Variants in KIF16B observed in about 807,000 individuals in gnomAD.
KIF16B encodes kinesin family member 16B, also known as kinesin-like protein KIF16B.
KIF16B carries 98 observed loss-of-function variants against 156.3 expected under a neutral mutation model. That is an observed-to-expected ratio of 0.63 (90% confidence interval 0.53 to 0.74). The LOEUF is 0.74. Among genes scored for constraint, KIF16B ranks in the 30% least tolerant of loss-of-function variants. The probability of loss-of-function intolerance (pLI) is 0.00; values close to 1 mark genes in which losing one functional copy is unlikely to be tolerated. For synonymous variants in KIF16B, 564 were observed against 583.7 expected, an observed-to-expected ratio of 0.97 and a Z score of 0.49; for missense variants, 1,421 against 1,606.5, an observed-to-expected ratio of 0.88 and a Z score of 1.97.
rs77793494 is a variant in KIF16B, at chr20:16,554,600, G to A, written c.47+18629C>T. Among the ~76,000 whole-genome samples, 612 of 152,220 alleles carry A rather than the reference G, an allele frequency of 4.0e-3. 10 individuals are homozygous for A. The highest frequency in any genetic ancestry group is 0.037 in the East Asian group (190 of 5,174). ...GAACTTGGGACCCATCAAATGGTGGGGCTAAAACAGCTGTAGCATGAACAG... is the reference window on the plus strand; with the variant it reads ...GAACTTGGGACCCATCAAATGGTGGAGCTAAAACAGCTGTAGCATGAACAG... On this transcript the variant is annotated intron_variant, in intron 1 of 25. Coordinates refer to ENST00000354981, the MANE Select transcript of KIF16B (RefSeq NM_024704.5).
At chr20:16,545,592 G>C (rs2070376169) in intron 1 of KIF16B, among the ~76,000 whole-genome samples, 2 of 152,120 alleles carry the variant, frequency 1.3e-5, no homozygotes. Context: ...TTAAACCCGG[G>C]AGGCAGAGGT....
chr20:16,543,063 G>A (rs1291861871), intron 1 of KIF16B, among the ~76,000 whole-genome samples: 4 of 152,092 alleles, frequency 2.6e-5, no homozygotes, highest in South Asian at 2.1e-4. Flanking sequence ...GCCCAAACCC[G>A]GACCTACCAA....
chr20:16,384,327 G>A (rs2065176232), intron 17 of KIF16B, among the ~76,000 whole-genome samples: 1 of 152,170 alleles, frequency 6.6e-6, no homozygotes, highest in Non-Finnish European at 1.5e-5. Context: ...TGAGCATGGG[G>A]TACTGACCCC....
At chr20:16,349,387 T>A (rs1470431525) in intron 23 of KIF16B, among the ~76,000 whole-genome samples, 3 of 152,154 alleles carry the variant, frequency 2.0e-5, no homozygotes, top group Non-Finnish European at 2.9e-5. Flanking sequence ...CACCATGTCA[T>A]CAAGGTGATT....
chr20:16,429,712 T>G (rs907860648), intron 13 of KIF16B, 151 bp downstream of exon 13: 5 of 603,334 alleles, frequency 8.3e-6, no homozygotes, highest in African/African-American at 1.9e-5. Flanking sequence ...AATGAGCTTC[T>G]GAAAATTCCC....
chr20:16,351,604 G>A (rs899837172), intron 23 of KIF16B, among the ~76,000 whole-genome samples: 26 of 152,174 alleles, frequency 1.7e-4, no homozygotes, highest in African/African-American at 5.1e-4. Flanking sequence ...AGCCTAGAAC[G>A]TGCTGTTCTC....
chr20:16,362,556 A>G (rs1429901362), intron 22 of KIF16B, among the ~76,000 whole-genome samples: 1 of 152,338 alleles, frequency 6.6e-6, no homozygotes, highest in Admixed American at 6.5e-5. Flanking sequence ...TAGCATAGTC[A>G]TTCCTATAAA....
intron 17 of KIF16B, among the ~76,000 whole-genome samples, chr20:16,385,560 C>T (rs974029754): frequency 6.6e-6 from 1 of 152,190 alleles, no homozygotes; most frequent in African/African-American, 2.4e-5. Context: ...ATGTAACAGG[C>T]CCCACCTCAA....
At chr20:16,542,246 GT>G (rs1386362608) in intron 1 of KIF16B, among the ~76,000 whole-genome samples, 1 of 152,112 alleles carries the variant, frequency 6.6e-6, no homozygotes, top group Non-Finnish European at 1.5e-5. Context: ...TACTGAAGAG[GT>G]TTAGTTAGAA....
rs1306141314 is a variant in KIF16B at position 16,573,262 on chromosome 20, T to C, written c.14A>G (p.Lys5Arg). 5 of 1,608,780 alleles carry C rather than the reference T, an allele frequency of 3.1e-6. No individual in the cohort carries two copies. Among genetic ancestry groups the C allele is most frequent in the South Asian group, 1.1e-5 (1 of 90,142 alleles). MASV[K>R]VAVRVRPMNR... ...CATGGGCCGGACCCTCACGGCCACC[T>C]TGACCGATGCCATCGCTCATCCCGA... Residue 5 changes from lysine (K) to arginine (R), a missense_variant, in exon 1 of 26, where the codon AAG (lysine) becomes AGG (arginine). Physicochemically the swap from Lys to Arg is conservative, Grantham distance 26. Transcript: ENST00000354981.
At chr20:16,404,281 T>C (rs1472275317) in intron 17 of KIF16B, among the ~76,000 whole-genome samples, 1 of 152,202 alleles carries the variant, frequency 6.6e-6, no homozygotes, top group African/African-American at 2.4e-5. Context: ...ATTTTATTGA[T>C]GAAGCACTAA....
At chr20:16,522,860 G>A (rs1235929118) in intron 3 of KIF16B, among the ~76,000 whole-genome samples, 4 of 152,126 alleles carry the variant, frequency 2.6e-5, no homozygotes, top group Non-Finnish European at 1.5e-5. Flanking sequence ...TCAGGATTGA[G>A]AAATTCACTC....
chr20:16,344,815 G>A (rs1261639633), intron 23 of KIF16B, among the ~76,000 whole-genome samples: 3 of 152,136 alleles, frequency 2.0e-5, no homozygotes, highest in Non-Finnish European at 2.9e-5. Context: ...TAATGAACTC[G>A]GTTTACTGAG....
chr20:16,356,349 T>C lies in KIF16B; in HGVS notation c.3602A>G (p.His1201Arg). 1.9e-6 allele frequency: 3 copies of C among 1,614,166 alleles called. No homozygotes were observed. The highest frequency in any genetic ancestry group is 2.5e-6 in the Non-Finnish European group (3 of 1,180,000). ...ACTCACCTTGACCTCAAACTCGAAG[T>C]GTGCATCCTTTCCTTGCCCGCAGAG... ...YVLCGQGKDA[H>R]FEFEVKITVL... Residue 1201 changes from histidine (H) to arginine (R), a missense_variant, in exon 23 of 26, where the codon CAC becomes CGC. By Grantham distance (29) the His-to-Arg change is conservative. Transcript: ENST00000354981.
chr20:16,481,054 C>T (rs370475165), intron 12 of KIF16B, among the ~76,000 whole-genome samples: 11 of 152,288 alleles, frequency 7.2e-5, no homozygotes, highest in African/African-American at 1.7e-4. Flanking sequence ...TGCTTTCCAA[C>T]TCTTCTGAGG....
Position 16,507,292 on chromosome 20 carries a change from T to C in KIF16B, c.699+666A>G, listed in dbSNP as rs528057786. ...TGTGCTCTTTGATCTCCCTCATTAATAAAATGCTGCCTCTTTGTATCTGAT... is the reference window on the plus strand; with the variant it reads ...TGTGCTCTTTGATCTCCCTCATTAACAAAATGCTGCCTCTTTGTATCTGAT... On this transcript the variant is annotated intron_variant, in intron 7 of 25. Coordinates refer to ENST00000354981, the MANE Select transcript of KIF16B (RefSeq NM_024704.5). Among the ~76,000 whole-genome samples, 4 of 152,238 alleles carry C rather than the reference T, an allele frequency of 2.6e-5. No homozygotes were observed. In the East Asian group the frequency reaches 7.7e-4, roughly 29 times the overall value.
Position 16,335,994 on chromosome 20 carries a change from A to G in KIF16B, c.3643T>C (p.Trp1215Arg). The G allele has an allele frequency of 6.2e-7, 1 of 1,606,794 alleles. No individual in the cohort carries two copies. The highest frequency in any genetic ancestry group is 8.5e-7 in the Non-Finnish European group (1 of 1,175,200). ...EVKITVLDETWTVFRRYSRFR... is the reference protein window; with the variant it reads ...EVKITVLDETRTVFRRYSRFR... ...CGACTGTAACGCCTGAATACAGTCC[A>G]TGTCTCATCTAGGACAGTAATCTAT... The change falls in exon 24 of 26, where the codon TGG becomes CGG. Residue 1215 changes from tryptophan to arginine, a missense_variant. Trp to Arg is a moderately radical substitution (Grantham distance 101). Coordinates refer to ENST00000354981, the MANE Select transcript of KIF16B (RefSeq NM_024704.5).
intron 19 of KIF16B, among the ~76,000 whole-genome samples, chr20:16,377,168 C>T (rs1268654870): frequency 6.6e-6 from 1 of 152,096 alleles, no homozygotes; most frequent in Non-Finnish European, 1.5e-5. Context: ...CTGGCCAGTA[C>T]ACTGGACTTC....
chr20:16,367,129 C>A (rs1489462617), intron 22 of KIF16B: 1 of 1,545,432 alleles, frequency 6.5e-7, no homozygotes, highest in Non-Finnish European at 8.7e-7. Flanking sequence ...TGTAGTGCAT[C>A]TTTAAAAGTC....
Sources: gnomAD v4.1 joint callset for allele counts (sites outside exome capture counted in the v4.1 genomes callset) on GRCh38, gnomAD v4.1.1 for gene constraint, MANE v1.5 for transcripts, NCBI Gene and HGNC (gene_info 2026-07-23, HGNC 2026-07-21) for gene names.